Variants in METTL22 observed in about 807,000 individuals in gnomAD.
METTL22 encodes methyltransferase-like protein 22.
A neutral mutation model predicts 48.4 loss-of-function variants in METTL22; 51 were observed. The observed-to-expected ratio is 1.05, with a 90% CI of 0.84 to 1.33. The LOEUF is 1.33. Ranked by LOEUF, METTL22 falls within the 40% of genes most tolerant of loss-of-function variation. The pLI is 0.00. For synonymous variants in METTL22, 255 were observed against 214.1 expected, an observed-to-expected ratio of 1.19 and a Z score of -1.67; for missense variants, 678 against 526.9, an observed-to-expected ratio of 1.29 and a Z score of -2.81.
the METTL22 span, among the ~76,000 whole-genome samples, chr16:8,664,866 C>G: frequency 6.6e-6 from 1 of 151,976 alleles, no homozygotes; most frequent in Admixed American, 6.6e-5. Flanking sequence ...TAGAGCAGCC[C>G]GCACCTGAGC....
chr16:8,645,892 G>A, intron 10 of METTL22: 2 of 925,758 alleles, frequency 2.2e-6, no homozygotes, highest in South Asian at 7.6e-5. Flanking sequence ...TTAATGCTGG[G>A]ACTTCATCCA....
chr16:8,644,561 A>C lies in METTL22; in HGVS notation c.1015A>C (p.Asn339His). 6.5e-7 allele frequency: 1 copy of C among 1,546,558 alleles called. No homozygotes were observed. ...TAILSVEKRL[N>H]FTLRHLDVTC... is the part of the protein sequence containing the mutation. ...GTCCGACTGGCTGGTTTGCAGGCTC[A>C]ACTTCACATTGAGACACTTGGACGT... The change falls in exon 10 of 11, where the codon AAC becomes CAC. Residue 339 changes from asparagine to histidine, a missense_variant. Asn to His is a moderately conservative substitution (Grantham distance 68). Transcript: ENST00000381920.
intron 3 of METTL22, among the ~76,000 whole-genome samples, chr16:8,632,486 G>A (rs896376040): frequency 1.3e-5 from 2 of 152,202 alleles, no homozygotes; most frequent in African/African-American, 4.8e-5. Context: ...GATTATAGGT[G>A]TGAGCCACTA....
chr16:8,646,860 A>G lies in METTL22; in HGVS notation c.*717A>G, dbSNP rs542658171. The G allele has an allele frequency of 9.3e-5, 34 of 365,880 alleles. No individual in the cohort carries two copies. The highest frequency in any genetic ancestry group is 3.9e-4 in the Admixed American group (11 of 28,220). 22.7% of individuals were successfully genotyped at this position (365,880 alleles called of 1,614,324 possible). On this transcript the variant is annotated 3_prime_UTR_variant, in exon 11 of 11. Coordinates refer to ENST00000381920, the MANE Select transcript of METTL22 (RefSeq NM_024109.4). ...CGCCCCTTGGTCTCTCTGTCTTATC[A>G]CGTGTGTACATGTCTGTCTGTCTGG...
intron 1 of METTL22, among the ~76,000 whole-genome samples, chr16:8,622,893 C>G (rs956496960): frequency 2.0e-5 from 3 of 152,118 alleles, no homozygotes; most frequent in Non-Finnish European, 4.4e-5. Context: ...ATGGAAAATT[C>G]AACTAGAGAT....
chr16:8,635,621 G>A (rs909130234), intron 5 of METTL22, among the ~76,000 whole-genome samples: 1 of 152,162 alleles, frequency 6.6e-6, no homozygotes, highest in African/African-American at 2.4e-5. Flanking sequence ...CCAAAAACAG[G>A]AGGAATATAC....
At chr16:8,626,854 C>G (rs2056077903) in intron 2 of METTL22, among the ~76,000 whole-genome samples, 1 of 149,200 alleles carries the variant, frequency 6.7e-6, no homozygotes, top group South Asian at 2.1e-4. Context: ...GCAAGCTCCG[C>G]CTCCCGGGTT....
At chr16:8,626,199 G>C (rs2056044785) in intron 2 of METTL22, among the ~76,000 whole-genome samples, 1 of 152,106 alleles carries the variant, frequency 6.6e-6, no homozygotes, top group Non-Finnish European at 1.5e-5. Flanking sequence ...TGCTAGCCCA[G>C]GCTGGTTTTG....
At chr16:8,622,474 G>C (rs1035852402) in intron 1 of METTL22, among the ~76,000 whole-genome samples, 14 of 152,104 alleles carry the variant, frequency 9.2e-5, no homozygotes, top group African/African-American at 3.4e-4. Flanking sequence ...AGGTGGTGGG[G>C]CAGGTCCCCA....
intron 1 of METTL22, among the ~76,000 whole-genome samples, chr16:8,623,449 C>T (rs1262004287): frequency 2.6e-5 from 4 of 152,200 alleles, no homozygotes; most frequent in Non-Finnish European, 5.9e-5. Flanking sequence ...TCAGTTTTCC[C>T]CCAGGACATC....
chr16:8,651,829 A>T (rs2056902909), downstream of METTL22, among the ~76,000 whole-genome samples: 2 of 152,158 alleles, frequency 1.3e-5, no homozygotes, highest in Non-Finnish European at 2.9e-5. Flanking sequence ...ACACAAGGAC[A>T]TAGGGAGGAG....
chr16:8,635,360 A>G (rs1567235393), intron 5 of METTL22, 48 bp downstream of exon 5: 1 of 1,498,344 alleles, frequency 6.7e-7, no homozygotes. Flanking sequence ...ACCTTCACAA[A>G]GCATGCACTG....
Position 8,634,981 on chromosome 16 carries a change from G to A in METTL22, c.515-58G>A, listed in dbSNP as rs376681006. 49 of 1,611,104 alleles carry A rather than the reference G, an allele frequency of 3.0e-5. No homozygotes were observed. In the African/African-American group the frequency reaches 5.7e-4, roughly 19 times the overall value. Reference sequence around the variant, plus strand: ...GGTTGCCACACTGTCCTGTCTTGTGGTTTTCTGTCCATCCCCATTTCACAG... The same window carrying A: ...GGTTGCCACACTGTCCTGTCTTGTGATTTTCTGTCCATCCCCATTTCACAG... On this transcript the variant is annotated intron_variant, in intron 3 of 10. Transcript: ENST00000381920.
rs200656310 is a variant in METTL22 at position 8,644,612 on chromosome 16, C to T, written c.1066C>T (p.Arg356Cys). Residue 356 changes from arginine (R) to cysteine (C), a missense_variant, in exon 10 of 11, where the codon CGC becomes TGC. Transcript: ENST00000381920. ...DVTCEAYDHF[R>C]SCLHALEQLA... The stretch of plus-strand genomic sequence containing the variant: ...CACATGTGAAGCCTACGATCACTTC[C>T]GCTCCTGCCTGCACGCGCTGGAGCA... The T allele has an allele frequency of 3.7e-4, 595 of 1,604,938 alleles. No homozygotes were observed. The highest frequency in any genetic ancestry group is 4.8e-4 in the Non-Finnish European group (561 of 1,175,836).
rs919901819 is a variant in METTL22, at chr16:8,641,366, T to C, written c.826+182T>C. On this transcript the variant is annotated intron_variant, in intron 7 of 10. Transcript: ENST00000381920. ...CAGCTGTCATTCTCTGAGCGCCTGCTGCATGCTGGGCACCTCACGTTCATT... is the reference window on the plus strand; with the variant it reads ...CAGCTGTCATTCTCTGAGCGCCTGCCGCATGCTGGGCACCTCACGTTCATT... 1.7e-5 allele frequency: 12 copies of C among 692,922 alleles called. No homozygotes were observed. In the African/African-American group the frequency reaches 2.1e-4, roughly 12 times the overall value. The allele number at this position is 692,922 out of a possible 1,614,324, so 42.9% of individuals were successfully genotyped here.
chr16:8,625,033 A>T (rs1205411478), intron 1 of METTL22, among the ~76,000 whole-genome samples: 1 of 152,220 alleles, frequency 6.6e-6, no homozygotes, highest in African/African-American at 2.4e-5. Context: ...GGGGAAAAAA[A>T]ACCTCAAAGA....
chr16:8,639,684 C>G, intron 6 of METTL22: 1 of 171,096 alleles, frequency 5.8e-6, no homozygotes, highest in Non-Finnish European at 1.3e-5. Context: ...CAGGCCAGTC[C>G]CCCTGCGCAG....
chr16:8,631,698 C>G (rs557421999), intron 3 of METTL22: 17 of 152,344 alleles, frequency 1.1e-4, no homozygotes, highest in African/African-American at 3.4e-4. Flanking sequence ...ATTCTAGAAT[C>G]TGATAAGGAC....
At chr16:8,641,342 A>T (rs1318233894) in intron 7 of METTL22, 158 bp downstream of exon 7, 3 of 750,902 alleles carry the variant, frequency 4.0e-6, no homozygotes, top group Non-Finnish European at 7.2e-6. Context: ...GATGAGCACC[A>T]GCTGTCATTC....
Sources: allele counts gnomAD v4.1 joint callset (sites outside exome capture counted in the v4.1 genomes callset), GRCh38; gene constraint gnomAD v4.1.1; transcripts MANE v1.5; gene names NCBI Gene and HGNC (gene_info 2026-07-23, HGNC 2026-07-21).